The following TEKT5 variants were observed in gnomAD, a reference collection of about 807,000 sequenced individuals.
TEKT5 encodes the protein tektin-5.
A neutral mutation model predicts 48.7 loss-of-function variants in TEKT5; 52 were observed. The observed-to-expected ratio is 1.07, with a 90% CI of 0.86 to 1.35. TEKT5 has a LOEUF of 1.35. Ranked by LOEUF, TEKT5 falls within the 40% of genes most tolerant of loss-of-function variation. The pLI is 0.00. For missense variants in TEKT5, 831 were observed against 641.6 expected (o/e 1.30, Z -3.19); for synonymous variants, 318 against 267.6 (o/e 1.19, Z -1.84).
At chr16:10,651,986 T>C (rs2088548641) in intron 5 of TEKT5, among the ~76,000 whole-genome samples, 1 of 151,928 alleles carries the variant, frequency 6.6e-6, no homozygotes, top group African/African-American at 2.4e-5. Context: ...GACAAGAGGA[T>C]AAGCATTGGC....
intron 5 of TEKT5, among the ~76,000 whole-genome samples, chr16:10,653,388 A>C (rs1184349894): frequency 1.3e-5 from 2 of 152,346 alleles, no homozygotes; most frequent in African/African-American, 4.8e-5. Flanking sequence ...GGGGAGCAGG[A>C]GTCCTAAGCC....
intron 5 of TEKT5, among the ~76,000 whole-genome samples, chr16:10,661,733 A>T (rs1257962340): frequency 1.3e-5 from 2 of 152,218 alleles, no homozygotes; most frequent in African/African-American, 2.4e-5. Context: ...ACCTCACTAC[A>T]ATCCAGAGGA....
At chr16:10,655,499 GT>G (rs1898246742) in intron 5 of TEKT5, among the ~76,000 whole-genome samples, 1 of 152,178 alleles carries the variant, frequency 6.6e-6, no homozygotes, top group Non-Finnish European at 1.5e-5. Context: ...ATGTTTATAT[GT>G]TTGTGGCATT....
At position 10,676,090 on chromosome 16, in the gene TEKT5, C is replaced by T; in HGVS notation, c.955G>A (p.Glu319Lys). 5 of 1,614,228 alleles carry T rather than the reference C, an allele frequency of 3.1e-6. No individual in the cohort carries two copies. The South Asian group carries it at 5.5e-5, about 18-fold the overall frequency. Residue 319 changes from glutamate (E) to lysine (K), a missense_variant, in exon 5 of 7, where the codon GAG becomes AAG. Coordinates refer to ENST00000283025, the MANE Select transcript of TEKT5 (RefSeq NM_144674.2). Reference sequence around the variant, plus strand: ...AAGGTCTCAAAGAGGTGCTCCGCCTCCTCCCGCAGCTGGATGGAGTTGGCC... The same window carrying T: ...AAGGTCTCAAAGAGGTGCTCCGCCTTCTCCCGCAGCTGGATGGAGTTGGCC... ...MRANSIQLRE[E>K]AEHLFETLSD...
intron 5 of TEKT5, among the ~76,000 whole-genome samples, chr16:10,650,762 G>A (rs1031661486): frequency 2.0e-5 from 3 of 152,016 alleles, no homozygotes; most frequent in Non-Finnish European, 4.4e-5. Flanking sequence ...GTGTGTGCCT[G>A]TAATCCCAGC....
intron 5 of TEKT5, among the ~76,000 whole-genome samples, chr16:10,667,280 G>A (rs1297877759): frequency 1.3e-5 from 2 of 152,102 alleles, no homozygotes. Flanking sequence ...CACCACGCCT[G>A]GCTTCCTTCC....
chr16:10,694,407 C>T lies in TEKT5; in HGVS notation c.467G>A (p.Ser156Asn), dbSNP rs1226335435. The T allele has an allele frequency of 2.5e-6, 4 of 1,614,162 alleles. No homozygotes were observed. The East Asian group carries it at 8.9e-5, about 36-fold the overall frequency. Residue 156 changes from serine (S) to asparagine (N), a missense_variant, in exon 1 of 7, where the codon AGC becomes AAC. Physicochemically the swap from Ser to Asn is conservative, Grantham distance 46 (BLOSUM62 1). Coordinates refer to ENST00000283025, the MANE Select transcript of TEKT5 (RefSeq NM_144674.2). The part of the protein sequence containing the change: ...SDIGFWKSEL[S>N]YELDRLLTEN... ...AGTCAGAAGCCTGTCCAGCTCATAG[C>T]TCAGCTCTGACTTCCAGAAGCCAAT...
Position 10,627,567 on chromosome 16 carries a change from G to C in TEKT5, c.*16C>G. On this transcript the variant is annotated 3_prime_UTR_variant, in exon 7 of 7. Transcript: ENST00000283025. The stretch of plus-strand genomic sequence containing the variant: ...CCAATTTTACGCCAGCGCGGAATGA[G>C]GCGCCAGGGCGGTGCTCAGGTGTGG... 2 of 1,612,450 alleles carry C rather than the reference G, an allele frequency of 1.2e-6. No individual in the cohort carries two copies. The highest frequency in any genetic ancestry group is 1.7e-6 in the Non-Finnish European group (2 of 1,178,586).
chr16:10,663,421 G>T (rs577570273), intron 5 of TEKT5, among the ~76,000 whole-genome samples: 23 of 152,292 alleles, frequency 1.5e-4, no homozygotes, highest in African/African-American at 1.9e-4. Flanking sequence ...TTTCCAAATT[G>T]CATGAAGCCA....
At chr16:10,639,789 G>A (rs1897964575) in intron 5 of TEKT5, among the ~76,000 whole-genome samples, 1 of 152,290 alleles carries the variant, frequency 6.6e-6, no homozygotes, top group South Asian at 2.1e-4. Context: ...TTCACAGCAG[G>A]GTAGGTTGGG....
chr16:10,653,740 C>T (rs2142278063), intron 5 of TEKT5, among the ~76,000 whole-genome samples: 1 of 152,158 alleles, frequency 6.6e-6, no homozygotes, highest in South Asian at 2.1e-4. Flanking sequence ...TGGTGAAACC[C>T]CGTCTCTACT....
rs904050473 is a variant in TEKT5 at position 10,650,006 on chromosome 16, G to A, written c.1087-14088C>T. Among the ~76,000 whole-genome samples the A allele has an allele frequency of 3.3e-5, 5 of 150,274 alleles. No individual in the cohort carries two copies. In the South Asian group the frequency reaches 6.4e-4, roughly 19 times the overall value. ...CTGTTTCTCCACCACCCCCAACCCCGTTCCACTTTCTTCCTCCCCCTGGTC... is the reference window on the plus strand; with the variant it reads ...CTGTTTCTCCACCACCCCCAACCCCATTCCACTTTCTTCCTCCCCCTGGTC... On this transcript the variant is annotated intron_variant, in intron 5 of 6. Transcript: ENST00000283025.
chr16:10,659,534 C>T (rs896393293), intron 5 of TEKT5, among the ~76,000 whole-genome samples: 1 of 152,118 alleles, frequency 6.6e-6, no homozygotes, highest in Non-Finnish European at 1.5e-5. Context: ...TGCCCACCAC[C>T]ACACTTGGCT....
In TEKT5 at chr16:10,689,929, G is replaced by A. The variant is rs1322949599; in HGVS notation, c.648+13C>T. On this transcript the variant is annotated intron_variant, in intron 2 of 6. Coordinates refer to ENST00000283025, the MANE Select transcript of TEKT5 (RefSeq NM_144674.2). ...TCCTTCAGGGGGCTGGGCAGAACCA[G>A]GAGATGCCTTACCCGGATAAGGTTT... 6.2e-7 allele frequency: 1 copy of A among 1,613,888 alleles called. No individual in the cohort carries two copies. The highest frequency in any genetic ancestry group is 8.5e-7 in the Non-Finnish European group (1 of 1,179,936).
chr16:10,691,228 C>T (rs1898969993), intron 1 of TEKT5: 2 of 152,296 alleles, frequency 1.3e-5, no homozygotes, highest in African/African-American at 4.8e-5. Flanking sequence ...CCTCAGGAGG[C>T]TGAGGTCGGA....
At chr16:10,686,287 C>A (rs1898860735) in intron 3 of TEKT5, among the ~76,000 whole-genome samples, 2 of 152,000 alleles carry the variant, frequency 1.3e-5, no homozygotes, top group African/African-American at 4.8e-5. Context: ...AGACAAAAAT[C>A]AACTCAAAAT....
chr16:10,678,099 G>A (rs574588694), intron 4 of TEKT5, among the ~76,000 whole-genome samples: 2 of 152,274 alleles, frequency 1.3e-5, no homozygotes, highest in East Asian at 3.9e-4. Context: ...CTTTGAGGAA[G>A]GGCATGCATT....
rs1462747617 is a variant in TEKT5, at chr16:10,682,105, T to A, written c.751A>T (p.Arg251Trp). The A allele has an allele frequency of 6.2e-7, 1 of 1,614,110 alleles. No individual in the cohort carries two copies. Among genetic ancestry groups the A allele is most frequent in the Non-Finnish European group, 8.5e-7 (1 of 1,180,012 alleles). Residue 251 changes from arginine (R) to tryptophan (W), a missense_variant, in exon 4 of 7, where the codon AGG becomes TGG. Coordinates refer to ENST00000283025, the MANE Select transcript of TEKT5 (RefSeq NM_144674.2). ...DNRDAQHVLE[R>W]DLEDKSSAQC... Reference sequence around the variant, plus strand: ...GCCGAGCTTTTGTCTTCGAGGTCCCTCTCCAGCACGTGCTGAGCATCCCGG... The same window carrying A: ...GCCGAGCTTTTGTCTTCGAGGTCCCACTCCAGCACGTGCTGAGCATCCCGG...
chr16:10,684,146 G>C (rs1270747999), intron 3 of TEKT5, among the ~76,000 whole-genome samples: 1 of 152,208 alleles, frequency 6.6e-6, no homozygotes, highest in Non-Finnish European at 1.5e-5. Context: ...ATAAGCAGCA[G>C]CTGAAACTTT....
Sources: allele counts gnomAD v4.1 joint callset (sites outside exome capture counted in the v4.1 genomes callset), GRCh38; gene constraint gnomAD v4.1.1; transcripts MANE v1.5; gene names NCBI Gene and HGNC (gene_info 2026-07-23, HGNC 2026-07-21).